CNN1: variants seen among roughly 807,000 people sequenced by gnomAD.
The protein encoded by CNN1 is calponin-1.
In CNN1, 21 loss-of-function variants were observed where a neutral mutation model predicts 35.3. That is an observed-to-expected ratio of 0.60 (90% CI 0.42 to 0.86). The LOEUF (loss-of-function observed/expected upper bound fraction) is 0.86. CNN1 is among the 40% of genes least tolerant of loss of function. The pLI is 0.00. For missense variants in CNN1, 314 were observed against 400.8 expected (o/e 0.78, Z 1.85); for synonymous variants, 164 against 161.8 (o/e 1.01, Z -0.10).
chr19:11,547,067 G>GCGGGGGGAAGGGAT, intron 4 of CNN1, 98 bp downstream of exon 4: 1 of 1,549,292 alleles, frequency 6.5e-7, no homozygotes, highest in Non-Finnish European at 8.8e-7. Flanking sequence ...AGGTGGCGGA[G>GCGGGGGGAAGGGAT]CGGGGGGCAG....
In CNN1 at chr19:11,544,479, T is replaced by A. The variant is rs185200979; in HGVS notation, c.186-2196T>A. ...GATGGTGGAGGGCATTTTATTTCATTTATTTATTTAGAGACAGAGTCTTGC... is the reference window on the plus strand; with the variant it reads ...GATGGTGGAGGGCATTTTATTTCATATATTTATTTAGAGACAGAGTCTTGC... On this transcript the variant is annotated intron_variant, in intron 2 of 6. Transcript: ENST00000252456. 1.5e-4 allele frequency among the ~76,000 whole-genome samples: 23 copies of A among 151,934 alleles called. No individual in the cohort carries two copies. In the East Asian group the frequency reaches 4.5e-3, roughly 29 times the overall value.
Position 11,546,942 on chromosome 19 carries a change from G to A in CNN1, c.363G>A (p.Gln121=). The A allele has an allele frequency of 6.2e-7, 1 of 1,614,244 alleles. No individual in the cohort carries two copies. Among genetic ancestry groups the A allele is most frequent in the Non-Finnish European group, 8.5e-7 (1 of 1,180,052 alleles). ...AGAACACCAACCATACACAGGTGCA[G>A]TCCACCCTCCTGGCTTTGGCCAGCA... is the stretch of plus-strand genomic sequence containing the variant. ...LFENTNHTQV[Q]STLLALASMA... Residue 121 remains glutamine (Q), a synonymous_variant, in exon 4 of 7, where the codon CAG becomes CAA. Transcript: ENST00000252456.
At position 11,541,100 on chromosome 19, in the gene CNN1, C is replaced by T. The variant is rs149734482; in HGVS notation, c.88C>T (p.Arg30Trp). ...NKLAQKYDHQREQELREWIEG... is the reference protein window; with the variant it reads ...NKLAQKYDHQWEQELREWIEG... Reference sequence around the variant, plus strand: ...GCTGGCCCAGAAGTATGACCACCAGCGGGAGCAGGAGCTGAGAGAGTGGAT... The same window carrying T: ...GCTGGCCCAGAAGTATGACCACCAGTGGGAGCAGGAGCTGAGAGAGTGGAT... The change falls in exon 2 of 7, where the codon CGG becomes TGG. Residue 30 changes from arginine to tryptophan, a missense_variant. Transcript: ENST00000252456. 8.7e-5 allele frequency: 140 copies of T among 1,610,718 alleles called. No individual in the cohort carries two copies. The highest frequency in any genetic ancestry group is 4.2e-4 in the Admixed American group (25 of 59,636).
chr19:11,541,025 C>A, intron 1 of CNN1, 51 bp from the exon 2 acceptor site: 1 of 1,532,300 alleles, frequency 6.5e-7, no homozygotes, highest in South Asian at 1.2e-5. Context: ...AGGCTGCCCC[C>A]AATGCATCCT....
At chr19:11,540,548 A>C (rs996213241) in intron 1 of CNN1, 1 of 152,966 alleles carries the variant, frequency 6.5e-6, no homozygotes, top group African/African-American at 2.4e-5. Context: ...GACAGAGACA[A>C]GCCCCCACCA....
chr19:11,545,471 G>A (rs1258517751), intron 2 of CNN1, among the ~76,000 whole-genome samples: 3 of 143,628 alleles, frequency 2.1e-5, no homozygotes, highest in African/African-American at 5.2e-5. Flanking sequence ...CTAGAAGGGG[G>A]CACTGCTAGG....
intron 1 of CNN1, chr19:11,540,006 G>GCAGGGC (rs1414898493): frequency 2.9e-5 from 31 of 1,067,452 alleles, no homozygotes; most frequent in Non-Finnish European, 3.3e-5. Flanking sequence ...GTGGGGGGCG[G>GCAGGGC]CAGGGCCAGG....
intron 2 of CNN1, among the ~76,000 whole-genome samples, chr19:11,543,491 A>ATAAT (rs1315265471): frequency 6.6e-6 from 1 of 150,694 alleles, no homozygotes; most frequent in Non-Finnish European, 1.5e-5. Flanking sequence ...AATAATAATA[A>ATAAT]AAGAGTGGGC....
intron 2 of CNN1, among the ~76,000 whole-genome samples, chr19:11,546,073 T>C (rs112556805): frequency 0.02 from 3,066 of 152,196 alleles, 62 homozygotes; most frequent in Admixed American, 0.052. Context: ...GAGAAAAGGA[T>C]GCTGAGACAC....
intron 1 of CNN1, chr19:11,539,478 AG>A: frequency 9.0e-7 from 1 of 1,113,440 alleles, no homozygotes; most frequent in Non-Finnish European, 1.1e-6. Context: ...CTGTGGAGCT[AG>A]GAAGATACCT....
At chr19:11,547,728 A>G (rs1210467466) in intron 4 of CNN1, 69 bp from the exon 5 acceptor site, 4 of 1,282,164 alleles carry the variant, frequency 3.1e-6, no homozygotes. Context: ...CAACAAAAAA[A>G]CAGTGTCCAA....
At chr19:11,539,608 A>G in intron 1 of CNN1, 1 of 776,178 alleles carries the variant, frequency 1.3e-6, no homozygotes, top group East Asian at 6.8e-5. Context: ...CCCATACACC[A>G]GGATGGGCTC....
At chr19:11,548,261 G>A (rs1390998875) in intron 5 of CNN1, among the ~76,000 whole-genome samples, 1 of 152,152 alleles carries the variant, frequency 6.6e-6, no homozygotes, top group African/African-American at 2.4e-5. Context: ...TGCCTCAGGC[G>A]GGGTGCAGTG....
chr19:11,540,469 G>C (rs562053665), intron 1 of CNN1: 2 of 153,034 alleles, frequency 1.3e-5, no homozygotes, highest in East Asian at 3.9e-4. Context: ...CGCTGGGGAA[G>C]AGAGAGACAG....
Position 11,549,136 on chromosome 19 carries a change from T to G in CNN1, c.502-187T>G, listed in dbSNP as rs1026336681. Among the ~76,000 whole-genome samples the G allele has an allele frequency of 8.6e-5, 13 of 150,514 alleles. No individual in the cohort carries two copies. The highest frequency in any genetic ancestry group is 2.7e-4 in the African/African-American group (11 of 41,056). On this transcript the variant is annotated intron_variant, in intron 5 of 6. Transcript: ENST00000252456. This position sits in a 1 kb window ranked among gnomAD's most constrained non-coding sequence, Gnocchi z 5.2. ...GTGCAAGATGGAGATTTCAGTGAGC[T>G]GAGATCATGTCACTGCACTCCAGCC...
Position 11,549,240 on chromosome 19 carries a change from C to G in CNN1, c.502-83C>G. 1 of 1,423,310 alleles carries G rather than the reference C, an allele frequency of 7.0e-7. No individual in the cohort carries two copies. 88.2% of individuals were successfully genotyped at this position (1,423,310 alleles called of 1,614,324 possible). On this transcript the variant is annotated intron_variant, in intron 5 of 6. Coordinates refer to ENST00000252456, the MANE Select transcript of CNN1 (RefSeq NM_001299.6). This position sits in a 1 kb window ranked among gnomAD's most constrained non-coding sequence, Gnocchi z 5.2. ...AATTGAAAAAAATGATAAAGCGGCG[C>G]CTCATCCTCTCCCATCAGCTATGCC...
chr19:11,539,119 A>G (rs1972402947), intron 1 of CNN1, 129 bp downstream of exon 1: 3 of 1,083,824 alleles, frequency 2.8e-6, no homozygotes, highest in Non-Finnish European at 2.5e-6. Flanking sequence ...AAAGGGAGTG[A>G]TATGGGATAG....
rs866050250 is a variant in CNN1 at position 11,549,671 on chromosome 19, G to A, written c.770G>A (p.Gly257Asp). 1.9e-6 allele frequency: 3 copies of A among 1,614,162 alleles called. No individual in the cohort carries two copies. The highest frequency in any genetic ancestry group is 1.1e-5 in the South Asian group (1 of 91,082). The change falls in exon 7 of 7, where the codon GGC becomes GAC. Residue 257 changes from glycine to aspartate, a missense_variant. Coordinates refer to ENST00000252456, the MANE Select transcript of CNN1 (RefSeq NM_001299.6). This position sits in a 1 kb window ranked among gnomAD's most constrained non-coding sequence, Gnocchi z 5.2. ...MGSNKGASQR[G>D]MTVYGLPRQV... ...AGCAACAAGGGCGCCTCGCAGCGGG[G>A]CATGACGGTGTATGGGCTGCCACGC...
At position 11,546,975 on chromosome 19, in the gene CNN1, T is replaced by C. The variant is rs765188815; in HGVS notation, c.390+6T>C. On this transcript the variant is annotated splice_donor_region_variant and intron_variant, in intron 4 of 6. Transcript: ENST00000252456. ...TCCTGGCTTTGGCCAGCATGGTGAG[T>C]GTGGTTGCAGGCTGGGCAGGGGGTG... is the stretch of plus-strand genomic sequence containing the variant. The C allele has an allele frequency of 1.9e-5, 31 of 1,613,700 alleles. No individual in the cohort carries two copies. In the Admixed American group the frequency reaches 5.2e-4, roughly 27 times the overall value.
Sources: allele counts gnomAD v4.1 joint callset (sites outside exome capture counted in the v4.1 genomes callset), GRCh38; gene constraint gnomAD v4.1.1; non-coding constraint Gnocchi (gnomAD v3.1); transcripts MANE v1.5; gene names NCBI Gene and HGNC (gene_info 2026-07-23, HGNC 2026-07-21).